The following TG variants were observed in gnomAD, a reference collection of about 807,000 sequenced individuals.
TG encodes the protein thyroid hormones.
Under a neutral mutation model 324.7 loss-of-function variants are expected in TG, and 270 were observed. The observed-to-expected ratio is 0.83, with a 90% CI of 0.75 to 0.92. The LOEUF (loss-of-function observed/expected upper bound fraction) is 0.92. Ranked by LOEUF, TG falls within the 40% of genes least tolerant of loss-of-function variation. The probability of loss-of-function intolerance (pLI) is 0.00; values close to 1 mark genes in which losing one functional copy is unlikely to be tolerated. For missense variants in TG, 3,591 were observed against 3,456.4 expected (o/e 1.04, Z -0.98); for synonymous variants, 1,401 against 1,327.0 (o/e 1.06, Z -1.21).
intron 16 of TG, among the ~76,000 whole-genome samples, chr8:132,902,523 C>T (rs529658215): frequency 2.6e-5 from 4 of 152,250 alleles, no homozygotes; most frequent in African/African-American, 9.6e-5. Flanking sequence ...CACACCGTTT[C>T]CCCCAAGTCC....
intron 1 of TG, among the ~76,000 whole-genome samples, chr8:132,867,902 G>C (rs568777815): frequency 6.6e-6 from 1 of 152,244 alleles, no homozygotes. Context: ...GAGTGACAAG[G>C]ATATATTGCC....
At position 132,911,497 on chromosome 8, in the gene TG, A is replaced by C. The variant is rs1356536313; in HGVS notation, c.4123A>C (p.Ile1375Leu). The C allele has an allele frequency of 6.2e-7, 1 of 1,614,138 alleles. No individual in the cohort carries two copies. Among genetic ancestry groups the C allele is most frequent in the Admixed American group, 1.7e-5 (1 of 60,024 alleles). ...NVTWKSRLED[I>L]PVASLPDLHD... ...TACATGGAAATCACGGCTTGAGGAC[A>C]TCCCAGTGGCTTCTCTTCCTGACTT... Residue 1375 changes from isoleucine to leucine, a missense_variant, in exon 19 of 48, where the codon ATC (isoleucine) becomes CTC (leucine). Ile to Leu is a conservative substitution (Grantham distance 5). Transcript: ENST00000220616.
chr8:132,939,663 G>GT (rs766831555), intron 25 of TG, among the ~76,000 whole-genome samples: 96 of 125,460 alleles, frequency 7.7e-4, no homozygotes, highest in Middle Eastern at 4.2e-3. Context: ...AGTCTATGGG[G>GT]TTTTTTTTTT....
intron 41 of TG, chr8:133,050,058 G>T (rs1196226626): frequency 2.0e-6 from 2 of 1,002,780 alleles, no homozygotes; most frequent in African/African-American, 3.2e-5. Flanking sequence ...AATGAACAGA[G>T]TAATCAGATT....
chr8:133,131,688 TG>T, intron 45 of TG, 123 bp from the exon 46 acceptor site: 7 of 1,403,660 alleles, frequency 5.0e-6, no homozygotes, highest in Non-Finnish European at 6.8e-6. Flanking sequence ...ACAGGATACT[TG>T]GATATGATAT....
intron 29 of TG, chr8:132,964,721 C>T (rs1828292009): frequency 1.7e-6 from 1 of 589,248 alleles, no homozygotes; most frequent in East Asian, 2.8e-5. Context: ...TTTCATCCAA[C>T]CAGACATTTT....
intron 41 of TG, among the ~76,000 whole-genome samples, chr8:133,057,874 A>G (rs1010946966): frequency 2.0e-5 from 3 of 151,972 alleles, no homozygotes; most frequent in Non-Finnish European, 4.4e-5. Flanking sequence ...CTCAGAAAAC[A>G]TGGTTGTCTA....
At chr8:133,071,614 A>G (rs1257078451) in intron 41 of TG, among the ~76,000 whole-genome samples, 1 of 151,952 alleles carries the variant, frequency 6.6e-6, no homozygotes. Context: ...CTGATTGTCC[A>G]TGTGACTTGG....
chr8:132,885,062 G>A (rs975825038), intron 8 of TG, among the ~76,000 whole-genome samples: 4 of 150,674 alleles, frequency 2.7e-5, no homozygotes, highest in Admixed American at 2.6e-4. Flanking sequence ...CCTGGTTACA[G>A]AAGGAAATTG....
intron 41 of TG, among the ~76,000 whole-genome samples, chr8:133,078,422 C>G (rs1201158136): frequency 6.6e-6 from 1 of 152,198 alleles, no homozygotes. Flanking sequence ...CCATGTCTTC[C>G]CTGCTCCTCC....
intron 35 of TG, among the ~76,000 whole-genome samples, chr8:132,997,304 T>G (rs1272653398): frequency 2.0e-5 from 3 of 152,140 alleles, no homozygotes; most frequent in African/African-American, 7.2e-5. Context: ...TGTTCAGTTT[T>G]CAACATCCTG....
At chr8:132,919,170 C>G (rs529317880) in intron 20 of TG, among the ~76,000 whole-genome samples, 12 of 152,294 alleles carry the variant, frequency 7.9e-5, no homozygotes, top group African/African-American at 2.9e-4. Context: ...CATGTCACTT[C>G]CCGGACAGCA....
chr8:132,915,301 A>G (rs767605901), intron 20 of TG, among the ~76,000 whole-genome samples: 19 of 152,152 alleles, frequency 1.2e-4, no homozygotes, highest in Admixed American at 3.9e-4. Context: ...AGGAAGTTCT[A>G]TCTCCTCTGA....
chr8:133,040,860 C>G (rs547524685), intron 41 of TG, among the ~76,000 whole-genome samples: 1 of 152,206 alleles, frequency 6.6e-6, no homozygotes, highest in Non-Finnish European at 1.5e-5. Flanking sequence ...AAGACAATCT[C>G]TCTTTCACTC....
rs372002221 is a variant in TG at position 132,919,540 on chromosome 8, G to A, written c.4528+15G>A. On this transcript the variant is annotated intron_variant, in intron 21 of 47. Transcript: ENST00000220616. ...CCAGACTCACTGTAAGTTCTGTGGAGTGCTTCTTTGAAAGAAAAGCCCTGC... is the reference window on the plus strand; with the variant it reads ...CCAGACTCACTGTAAGTTCTGTGGAATGCTTCTTTGAAAGAAAAGCCCTGC... 3 of 1,613,484 alleles carry A rather than the reference G, an allele frequency of 1.9e-6. No homozygotes were observed. Among genetic ancestry groups the A allele is most frequent in the Non-Finnish European group, 2.5e-6 (3 of 1,179,834 alleles).
At position 133,042,057 on chromosome 8, in the gene TG, G is replaced by A. The variant is rs1246300968; in HGVS notation, c.7239+12034G>A. Reference sequence around the variant, plus strand: ...CCACCTCAGCCTCCCAAAGTGCTGGGATTACAGGTGTGAGCCACCACACCC... The same window carrying A: ...CCACCTCAGCCTCCCAAAGTGCTGGAATTACAGGTGTGAGCCACCACACCC... On this transcript the variant is annotated intron_variant, in intron 41 of 47. Coordinates refer to ENST00000220616, the MANE Select transcript of TG (RefSeq NM_003235.5). 5.3e-5 allele frequency among the ~76,000 whole-genome samples: 8 copies of A among 152,114 alleles called. No homozygotes were observed. In the East Asian group the frequency reaches 1.5e-3, roughly 29 times the overall value.
chr8:132,916,539 C>T (rs1275730086), intron 20 of TG, among the ~76,000 whole-genome samples: 1 of 152,232 alleles, frequency 6.6e-6, no homozygotes, highest in Non-Finnish European at 1.5e-5. Context: ...AAGCAGGATT[C>T]TCTGTGTCAT....
At chr8:132,919,282 T>G (rs915315742) in intron 20 of TG, 94 bp from the exon 21 acceptor site, 2 of 1,332,052 alleles carry the variant, frequency 1.5e-6, no homozygotes, top group African/African-American at 2.9e-5. Flanking sequence ...GCTCTTGAAC[T>G]GGTTTGAGGA....
In TG at chr8:132,926,884, C is replaced by T. The variant is rs141489502; in HGVS notation, c.4700-2192C>T. 4.0e-3 allele frequency among the ~76,000 whole-genome samples: 602 copies of T among 152,306 alleles called. 1 individual carries two copies. The highest frequency in any genetic ancestry group is 6.5e-3 in the Non-Finnish European group (445 of 68,020). On this transcript the variant is annotated intron_variant, in intron 22 of 47. Transcript: ENST00000220616. Reference sequence around the variant, plus strand: ...CTGAGTTGGTGCCTCTCCCTGACTGCCTGCTGCCTCTCTCTCTGAAATCTC... The same window carrying T: ...CTGAGTTGGTGCCTCTCCCTGACTGTCTGCTGCCTCTCTCTCTGAAATCTC...
Sources: allele counts gnomAD v4.1 joint callset (sites outside exome capture counted in the v4.1 genomes callset), GRCh38; gene constraint gnomAD v4.1.1; transcripts MANE v1.5; gene names NCBI Gene and HGNC (gene_info 2026-07-23, HGNC 2026-07-21).